The following ACTR3C variants were observed in gnomAD, a reference collection of about 807,000 sequenced individuals.
The protein encoded by ACTR3C is actin-related protein 3C.
A neutral mutation model predicts 26.3 loss-of-function variants in ACTR3C; 18 were observed. The observed-to-expected ratio is 0.68, with a 90% CI of 0.47 to 1.01. The LOEUF (loss-of-function observed/expected upper bound fraction) is 1.01. Ranked by LOEUF, ACTR3C falls within the 50% of genes least tolerant of loss-of-function variation. ACTR3C has a pLI of 0.00. For synonymous variants in ACTR3C, 55 were observed against 94.5 expected (o/e 0.58, Z 2.42); for missense variants, 184 against 250.7 (o/e 0.73, Z 1.80).
At chr7:149,951,408 C>T in the ACTR3C span, among the ~76,000 whole-genome samples, 1 of 147,674 alleles carries the variant, frequency 6.8e-6, no homozygotes, top group Non-Finnish European at 1.5e-5. Flanking sequence ...ATCGGACTCA[C>T]AGCTCAGGGA....
chr7:150,137,208 C>T, the ACTR3C span, among the ~76,000 whole-genome samples: 7 of 152,280 alleles, frequency 4.6e-5, no homozygotes, highest in African/African-American at 1.7e-4. Context: ...ACCTGGGTGC[C>T]CTGTGTCAGA....
At chr7:150,267,238 C>T (rs1490753037) in intron 6 of ACTR3C, among the ~76,000 whole-genome samples, 3 of 152,242 alleles carry the variant, frequency 2.0e-5, no homozygotes, top group African/African-American at 7.2e-5. Context: ...TTTCCAGCAG[C>T]CCCCCATTAT....
At chr7:149,890,292 A>C in the ACTR3C span, among the ~76,000 whole-genome samples, 1 of 150,914 alleles carries the variant, frequency 6.6e-6, no homozygotes, top group Non-Finnish European at 1.5e-5. Context: ...AATTAATTTT[A>C]ACTTGATGAA....
chr7:150,185,934 T>A, the ACTR3C span, among the ~76,000 whole-genome samples: 3 of 152,196 alleles, frequency 2.0e-5, no homozygotes, highest in Non-Finnish European at 2.9e-5. Flanking sequence ...CTGCAACTGC[T>A]CTGCATAACA....
chr7:150,145,332 A>G, the ACTR3C span, among the ~76,000 whole-genome samples: 694 of 152,270 alleles, frequency 4.6e-3, 4 homozygotes, highest in Non-Finnish European at 6.4e-3. Context: ...CAATGGAGAA[A>G]AGCCACCAGC....
At chr7:149,965,652 T>G in the ACTR3C span, among the ~76,000 whole-genome samples, 1 of 152,224 alleles carries the variant, frequency 6.6e-6, no homozygotes, top group South Asian at 2.1e-4. Flanking sequence ...CTGACGTTCC[T>G]GGAAAAAAGA....
the ACTR3C span, among the ~76,000 whole-genome samples, chr7:150,212,800 G>A: frequency 6.6e-6 from 1 of 152,072 alleles, no homozygotes; most frequent in Non-Finnish European, 1.5e-5. Context: ...AGATGGAGAA[G>A]ATGAACCACA....
chr7:149,952,765 G>A, the ACTR3C span, among the ~76,000 whole-genome samples: 179 of 151,262 alleles, frequency 1.2e-3, no homozygotes, highest in African/African-American at 4.3e-3. Flanking sequence ...AATTAGTAGA[G>A]TCTACCATCT....
chr7:150,038,697 C>A, the ACTR3C span, among the ~76,000 whole-genome samples: 751 of 142,328 alleles, frequency 5.3e-3, 98 homozygotes, highest in Non-Finnish European at 7.5e-3. Flanking sequence ...GGACACCTAA[C>A]ACCCACAGTC....
intron 4 of ACTR3C, among the ~76,000 whole-genome samples, chr7:150,287,382 G>A (rs1245218266): frequency 2.7e-5 from 4 of 150,820 alleles, no homozygotes; most frequent in Admixed American, 6.6e-5. Context: ...CTGCTGCTGC[G>A]AGAGAAGTCG....
chr7:150,054,707 G>T, the ACTR3C span, among the ~76,000 whole-genome samples: 1 of 152,204 alleles, frequency 6.6e-6, no homozygotes, highest in South Asian at 2.1e-4. Context: ...TGGTTAAACA[G>T]CATGCTTGTG....
At chr7:150,152,052 G>A in the ACTR3C span, among the ~76,000 whole-genome samples, 1 of 147,890 alleles carries the variant, frequency 6.8e-6, no homozygotes, top group Non-Finnish European at 1.5e-5. Flanking sequence ...GCGACAATGG[G>A]GTTTTCTAGA....
intron 6 of ACTR3C, among the ~76,000 whole-genome samples, chr7:150,267,760 G>A (rs1384986997): frequency 6.6e-6 from 1 of 152,116 alleles, no homozygotes; most frequent in Non-Finnish European, 1.5e-5. Flanking sequence ...CATGCCCCAC[G>A]GATAAGAAGG....
At chr7:150,072,630 T>C in the ACTR3C span, among the ~76,000 whole-genome samples, 1 of 151,222 alleles carries the variant, frequency 6.6e-6, no homozygotes. Flanking sequence ...CAGTGGTCTG[T>C]GGACTGCATG....
intron 1 of ACTR3C, among the ~76,000 whole-genome samples, chr7:150,320,353 C>T (rs569684087): frequency 6.7e-4 from 102 of 152,332 alleles, no homozygotes; most frequent in Middle Eastern, 3.4e-3. Context: ...ATTACAAAGG[C>T]TTGTGATCGG....
At chr7:149,906,656 C>T in the ACTR3C span, among the ~76,000 whole-genome samples, 2 of 143,474 alleles carry the variant, frequency 1.4e-5, no homozygotes, top group African/African-American at 2.6e-5. Context: ...GGTCTCAAAT[C>T]CCTGACCTCA....
the ACTR3C span, among the ~76,000 whole-genome samples, chr7:149,970,784 T>G: frequency 2.6e-5 from 4 of 152,188 alleles, no homozygotes; most frequent in Admixed American, 2.0e-4. Context: ...ATTGAAGATG[T>G]TTGAAATTTC....
At chr7:150,297,871 A>G (rs1441991605) in intron 1 of ACTR3C, among the ~76,000 whole-genome samples, 1 of 151,098 alleles carries the variant, frequency 6.6e-6, no homozygotes, top group African/African-American at 2.5e-5. Context: ...AAAAAAAAAA[A>G]AGACTTTTAT....
At chr7:150,211,358 T>C in the ACTR3C span, among the ~76,000 whole-genome samples, 4 of 150,952 alleles carry the variant, frequency 2.6e-5, no homozygotes, top group Admixed American at 6.5e-5. Flanking sequence ...TCTTGGTCAC[T>C]GCAACCTCTA....
Sources: gnomAD v4.1 joint callset for allele counts (sites outside exome capture counted in the v4.1 genomes callset) on GRCh38, gnomAD v4.1.1 for gene constraint, MANE v1.5 for transcripts, NCBI Gene and HGNC (gene_info 2026-07-23, HGNC 2026-07-21) for gene names.